The following DCUN1D2 variants were observed in gnomAD, a reference collection of about 807,000 sequenced individuals.
DCUN1D2 encodes DCN1-like protein 2.
DCUN1D2 carries 29 observed loss-of-function variants against 30.9 expected under a neutral mutation model. That is an observed-to-expected ratio of 0.94 (90% CI 0.70 to 1.28). DCUN1D2 has a LOEUF of 1.28. Among genes scored for constraint, DCUN1D2 ranks in the 50% most tolerant of loss-of-function variants. The probability of loss-of-function intolerance (pLI) is 0.00; values close to 1 mark genes in which losing one functional copy is unlikely to be tolerated. For missense variants in DCUN1D2, 325 were observed against 316.9 expected (o/e 1.03, Z -0.19); for synonymous variants, 121 against 115.3 (o/e 1.05, Z -0.32).
chr13:113,485,655 GTT>G (rs112235345), intron 1 of DCUN1D2, among the ~76,000 whole-genome samples: 1 of 145,674 alleles, frequency 6.9e-6, no homozygotes, highest in Admixed American at 6.9e-5. Flanking sequence ...GCTTCCAGAA[GTT>G]TTTTTTTTTT....
intron 2 of DCUN1D2, 26 bp from the exon 3 acceptor site, chr13:113,480,769 A>T: frequency 3.1e-6 from 5 of 1,610,854 alleles, no homozygotes. Context: ...GGGGAAAAGG[A>T]AGTTATACTA....
chr13:113,466,039 C>A (rs957552976), intron 4 of DCUN1D2, among the ~76,000 whole-genome samples: 2 of 152,134 alleles, frequency 1.3e-5, no homozygotes, highest in Non-Finnish European at 2.9e-5. Flanking sequence ...GTGTGTGCCA[C>A]CAGACTCAGC....
At chr13:113,471,663 A>G (rs2044517853) in intron 4 of DCUN1D2, among the ~76,000 whole-genome samples, 1 of 152,252 alleles carries the variant, frequency 6.6e-6, no homozygotes, top group Non-Finnish European at 1.5e-5. Context: ...TAGGCAAAAC[A>G]GTAAGCAACT....
chr13:113,469,716 G>A (rs890415063), intron 4 of DCUN1D2, among the ~76,000 whole-genome samples: 13 of 147,884 alleles, frequency 8.8e-5, no homozygotes, highest in Non-Finnish European at 2.0e-4. Flanking sequence ...GCTCATGTCT[G>A]TAATCCCAGC....
intron 4 of DCUN1D2, among the ~76,000 whole-genome samples, chr13:113,468,219 G>C (rs2044440115): frequency 6.6e-6 from 1 of 152,118 alleles, no homozygotes; most frequent in Non-Finnish European, 1.5e-5. Context: ...CCTTGAAAAA[G>C]GAAGGAAATT....
chr13:113,466,863 G>A (rs2044412561), intron 4 of DCUN1D2, among the ~76,000 whole-genome samples: 1 of 145,836 alleles, frequency 6.9e-6, no homozygotes, highest in Admixed American at 7.0e-5. Flanking sequence ...CTGGAGTGCA[G>A]TGGCACGATC....
At chr13:113,466,008 C>T (rs989781374) in intron 4 of DCUN1D2, among the ~76,000 whole-genome samples, 1 of 152,158 alleles carries the variant, frequency 6.6e-6, no homozygotes, top group African/African-American at 2.4e-5. Context: ...GCCTCAGCCT[C>T]CTGAGTAGCT....
intron 3 of DCUN1D2, chr13:113,479,195 G>A (rs900170329): frequency 6.6e-6 from 1 of 152,078 alleles, no homozygotes; most frequent in Non-Finnish European, 1.5e-5. Context: ...ATTTTTCATT[G>A]ACTCATTCCA....
In DCUN1D2 at chr13:113,480,690, C is replaced by G; in HGVS notation, c.274G>C (p.Asp92His). The G allele has an allele frequency of 1.9e-6, 3 of 1,614,104 alleles. No homozygotes were observed. Among genetic ancestry groups the G allele is most frequent in the Non-Finnish European group, 1.7e-6 (2 of 1,179,984 alleles). Residue 92 changes from aspartate to histidine, a missense_variant, in exon 3 of 7, where the codon GAT becomes CAT. By Grantham distance (81) the Asp-to-His change is moderately conservative. Coordinates refer to ENST00000478244, the MANE Select transcript of DCUN1D2 (RefSeq NM_001014283.2). ...ATACTGGCAGGATCCAGGCTCAGAT[C>G]ATCACAAAACTGTTGAATCCCATCG... ...GVDGIQQFCD[D>H]LSLDPASISV...
rs528579611 is a variant in DCUN1D2, at chr13:113,490,127, C to T, written c.3+540G>A. Among the ~76,000 whole-genome samples, 1 of 152,216 alleles carries T rather than the reference C, an allele frequency of 6.6e-6. No homozygotes were observed. Among genetic ancestry groups the T allele is most frequent in the East Asian group, 1.9e-4 (1 of 5,182 alleles). On this transcript the variant is annotated intron_variant, in intron 1 of 6. Coordinates refer to ENST00000478244, the MANE Select transcript of DCUN1D2 (RefSeq NM_001014283.2). This position sits in a 1 kb window ranked among gnomAD's most constrained non-coding sequence, Gnocchi z 5.2. ...CGGAACTCTACCAGCTCCACAGATGCACACCTACAGCCACGCTACAGCTCC... is the reference window on the plus strand; with the variant it reads ...CGGAACTCTACCAGCTCCACAGATGTACACCTACAGCCACGCTACAGCTCC...
At position 113,488,250 on chromosome 13, in the gene DCUN1D2, A is replaced by G. The variant is rs1205595784; in HGVS notation, c.3+2417T>C. On this transcript the variant is annotated intron_variant, in intron 1 of 6. Transcript: ENST00000478244. This position sits in a 1 kb window ranked among gnomAD's most constrained non-coding sequence, Gnocchi z 4.3. Reference sequence around the variant, plus strand: ...GTCTGATGTCACAAGATACTCCAGTAAACCCTGAACCACACGGTGGTGCCA... The same window carrying G: ...GTCTGATGTCACAAGATACTCCAGTGAACCCTGAACCACACGGTGGTGCCA... Among the ~76,000 whole-genome samples, 3 of 152,264 alleles carry G rather than the reference A, an allele frequency of 2.0e-5. No homozygotes were observed. The highest frequency in any genetic ancestry group is 4.4e-5 in the Non-Finnish European group (3 of 68,044).
intron 1 of DCUN1D2, chr13:113,489,026 C>T: frequency 1.4e-6 from 1 of 694,646 alleles, no homozygotes; most frequent in South Asian, 6.4e-5. Context: ...TAATCTGGCA[C>T]CAAGGATACC....
chr13:113,458,865 A>C (rs1005123031), intron 6 of DCUN1D2, among the ~76,000 whole-genome samples: 2 of 152,342 alleles, frequency 1.3e-5, no homozygotes, highest in African/African-American at 4.8e-5. Flanking sequence ...TGCCCAGCAC[A>C]CAGCAGGCTC....
In DCUN1D2 at chr13:113,490,511, G is replaced by T; in HGVS notation, c.3+156C>A. The T allele has an allele frequency of 2.5e-6, 2 of 811,928 alleles. No individual in the cohort carries two copies. Among genetic ancestry groups the T allele is most frequent in the Non-Finnish European group, 3.3e-6 (2 of 607,444 alleles). The allele number at this position is 811,928 out of a possible 1,614,324, so 50.3% of individuals were successfully genotyped here. A position where few individuals can be genotyped will look rare whatever the true frequency, so the allele number is the denominator to read the frequency against. ...GCCTCCGACGCCACCGCTCCGGCTC[G>T]CGGGCCCGCGGCGCGTTCCTCCCTC... is the stretch of plus-strand genomic sequence containing the variant. On this transcript the variant is annotated intron_variant, in intron 1 of 6. Coordinates refer to ENST00000478244, the MANE Select transcript of DCUN1D2 (RefSeq NM_001014283.2). This position sits in a 1 kb window ranked among gnomAD's most constrained non-coding sequence, Gnocchi z 5.2.
rs575739867 is a variant in DCUN1D2 at position 113,473,653 on chromosome 13, T to G, written c.520+471A>C. 6.6e-5 allele frequency among the ~76,000 whole-genome samples: 10 copies of G among 152,316 alleles called. No individual in the cohort carries two copies. The South Asian group carries it at 1.7e-3, about 25-fold the overall frequency. On this transcript the variant is annotated intron_variant, in intron 4 of 6. Transcript: ENST00000478244. ...TTTTCAGGTACGCGGTATTATAAAC[T>G]CATCTACCTACATACAGAGCAAAGT... is the stretch of plus-strand genomic sequence containing the variant.
rs1470693498 is a variant in DCUN1D2 at position 113,457,942 on chromosome 13, A to G, written c.*87T>C. The stretch of plus-strand genomic sequence containing the variant: ...TGGCTGGTCAAGAATGACTTCTGGA[A>G]TCAGCGACAATGCACCCAGGAACTG... On this transcript the variant is annotated 3_prime_UTR_variant, in exon 7 of 7. Transcript: ENST00000478244. 1.6e-6 allele frequency: 2 copies of G among 1,233,536 alleles called. No individual in the cohort carries two copies. The highest frequency in any genetic ancestry group is 2.4e-6 in the Non-Finnish European group (2 of 841,800). 76.4% of individuals were successfully genotyped at this position (1,233,536 alleles called of 1,614,324 possible).
chr13:113,485,460 C>T (rs1161589963), intron 1 of DCUN1D2, among the ~76,000 whole-genome samples: 3 of 152,106 alleles, frequency 2.0e-5, no homozygotes, highest in Non-Finnish European at 4.4e-5. Context: ...AAAGAAAACA[C>T]GATTAGTTAG....
Position 113,490,572 on chromosome 13 carries a change from C to A in DCUN1D2, c.3+95G>T, listed in dbSNP as rs1238704527. 9 of 1,135,206 alleles carry A rather than the reference C, an allele frequency of 7.9e-6. No individual in the cohort carries two copies. Among genetic ancestry groups the A allele is most frequent in the Non-Finnish European group, 8.9e-6 (8 of 903,540 alleles). 70.3% of individuals were successfully genotyped at this position (1,135,206 alleles called of 1,614,324 possible). On this transcript the variant is annotated intron_variant, in intron 1 of 6. Transcript: ENST00000478244. The surrounding 1 kb of genome is among the most constrained non-coding windows in gnomAD (Gnocchi z 5.2). ...GGAACGCCCCGCGCAGCTCGCTGGG[C>A]TCGGCCTCCCACATCCAGCGCGCCG...
At position 113,456,765 on chromosome 13, in the gene DCUN1D2, C is replaced by T. The variant is rs1277631390; in HGVS notation, c.*1264G>A. 5.8e-6 allele frequency: 1 copy of T among 171,054 alleles called. No individual in the cohort carries two copies. Among genetic ancestry groups the T allele is most frequent in the Non-Finnish European group, 1.2e-5 (1 of 81,180 alleles). The allele number at this position is 171,054 out of a possible 1,614,324, so 10.6% of individuals were successfully genotyped here. A position where few individuals can be genotyped will look rare whatever the true frequency, so the allele number is the denominator to read the frequency against. On this transcript the variant is annotated 3_prime_UTR_variant, in exon 7 of 7. Transcript: ENST00000478244. ...GGTTTTGGGGTTGGGTTTTTTCAGA[C>T]AACGATGTACATTTTAGCTTCCAAA...
Sources: gnomAD v4.1 joint callset for allele counts (sites outside exome capture counted in the v4.1 genomes callset) on GRCh38, gnomAD v4.1.1 for gene constraint, Gnocchi (gnomAD v3.1) non-coding constraint, MANE v1.5 for transcripts, NCBI Gene and HGNC (gene_info 2026-07-23, HGNC 2026-07-21) for gene names.